CPNE8: variants seen among roughly 807,000 people sequenced by gnomAD.
The protein encoded by CPNE8 is copine-8.
Under a neutral mutation model 81.5 loss-of-function variants are expected in CPNE8, and 45 were observed. That is an observed-to-expected ratio of 0.55 (90% CI 0.44 to 0.71). The LOEUF (loss-of-function observed/expected upper bound fraction) is 0.71, where lower values mean the gene tolerates loss of function less well. Among genes scored for constraint, CPNE8 ranks in the 30% least tolerant of loss-of-function variants. The pLI is 0.00. For missense variants in CPNE8, 594 were observed against 672.1 expected (o/e 0.88, Z 1.28); for synonymous variants, 252 against 226.3 (o/e 1.11, Z -1.02).
At chr12:38,889,332 T>C (rs1944278186) in intron 1 of CPNE8, among the ~76,000 whole-genome samples, 1 of 152,192 alleles carries the variant, frequency 6.6e-6, no homozygotes, top group South Asian at 2.1e-4. Context: ...CTTCATAGTA[T>C]GAGTGATGCT....
At chr12:38,747,491 G>T (rs1941253645) in intron 10 of CPNE8, among the ~76,000 whole-genome samples, 1 of 152,018 alleles carries the variant, frequency 6.6e-6, no homozygotes, top group Non-Finnish European at 1.5e-5. Flanking sequence ...AAAATGTTGA[G>T]GATACAGAAT....
intron 3 of CPNE8, among the ~76,000 whole-genome samples, chr12:38,853,168 C>G (rs73274734): frequency 0.014 from 2,078 of 152,190 alleles, 46 homozygotes; most frequent in African/African-American, 0.046. Flanking sequence ...ATCTTTTTGA[C>G]TTGAAGTAAA....
intron 13 of CPNE8, among the ~76,000 whole-genome samples, chr12:38,705,552 C>A (rs1011320978): frequency 6.6e-6 from 1 of 152,114 alleles, no homozygotes; most frequent in African/African-American, 2.4e-5. Flanking sequence ...CACTAACCAG[C>A]ATGAACCTAA....
chr12:38,787,182 C>T (rs1168609234), intron 6 of CPNE8, among the ~76,000 whole-genome samples: 1 of 151,972 alleles, frequency 6.6e-6, no homozygotes, highest in East Asian at 1.9e-4. Flanking sequence ...ATGGATCATT[C>T]TCAAGGATGG....
At chr12:38,806,334 A>AATGT (rs1942800972) in intron 6 of CPNE8, among the ~76,000 whole-genome samples, 1 of 149,946 alleles carries the variant, frequency 6.7e-6, no homozygotes, top group Non-Finnish European at 1.5e-5. Flanking sequence ...CTTGATGAAC[A>AATGT]TTGATGCAAA....
At chr12:38,896,821 G>A (rs1008007234) in intron 1 of CPNE8, among the ~76,000 whole-genome samples, 5 of 152,032 alleles carry the variant, frequency 3.3e-5, no homozygotes, top group Non-Finnish European at 7.4e-5. Context: ...TTGGTTCTAT[G>A]TTTCTGTGGC....
At chr12:38,727,270 T>C (rs1209774837) in intron 11 of CPNE8, among the ~76,000 whole-genome samples, 1 of 152,174 alleles carries the variant, frequency 6.6e-6, no homozygotes, top group East Asian at 1.9e-4. Context: ...TGTAGCAGCA[T>C]TGAAAACCGT....
rs1279146253 is a variant in CPNE8, at chr12:38,653,220, G to A, written c.*662C>T. The A allele has an allele frequency of 6.6e-6, 1 of 152,570 alleles. No homozygotes were observed. Among genetic ancestry groups the A allele is most frequent in the African/African-American group, 2.4e-5 (1 of 41,436 alleles). The allele number at this position is 152,570 out of a possible 1,614,324, so 9.5% of individuals were successfully genotyped here. A position where few individuals can be genotyped will look rare whatever the true frequency, so the allele number is the denominator to read the frequency against. ...CCATGAAAAATGCATGTTCAACCAG[G>A]AGACACATCTGCCGGGCTTAAACTC... On this transcript the variant is annotated 3_prime_UTR_variant, in exon 20 of 20. Transcript: ENST00000331366.
chr12:38,876,324 G>T (rs1394721077), intron 1 of CPNE8, among the ~76,000 whole-genome samples: 1 of 152,112 alleles, frequency 6.6e-6, no homozygotes, highest in Non-Finnish European at 1.5e-5. Flanking sequence ...TGATTCTCCT[G>T]CCTCAGCCTC....
intron 10 of CPNE8, among the ~76,000 whole-genome samples, chr12:38,734,337 C>T (rs921864569): frequency 2.6e-5 from 4 of 152,068 alleles, no homozygotes; most frequent in African/African-American, 9.6e-5. Flanking sequence ...AAGTGCCAAT[C>T]ATATTAAACA....
At chr12:38,661,994 G>C (rs1302634583) in intron 19 of CPNE8, among the ~76,000 whole-genome samples, 1 of 151,472 alleles carries the variant, frequency 6.6e-6, no homozygotes, top group Non-Finnish European at 1.5e-5. Flanking sequence ...ATTAGGTATA[G>C]AAGGAAAATA....
chr12:38,777,027 C>CA lies in CPNE8; in HGVS notation c.408-727dup, dbSNP rs1389948405. Reference sequence around the variant, plus strand: ...CAAAGTGTATTTCTTCTACACATACCAAAAAAAAAAAAACAAAGCTAACTG... The same window carrying CA: ...CAAAGTGTATTTCTTCTACACATACCAAAAAAAAAAAAAACAAAGCTAACTG... On this transcript the variant is annotated intron_variant, in intron 6 of 19. Transcript: ENST00000331366. Among the ~76,000 whole-genome samples, 1,280 of 129,266 alleles carry CA rather than the reference C, an allele frequency of 9.9e-3. 7 individuals are homozygous for CA. The highest frequency in any genetic ancestry group is 0.026 in the African/African-American group (933 of 35,388). 84.8% of individuals were successfully genotyped at this position (129,266 alleles called of 152,430 possible).
At chr12:38,701,802 T>C (rs959326925) in intron 14 of CPNE8, among the ~76,000 whole-genome samples, 2 of 152,172 alleles carry the variant, frequency 1.3e-5, no homozygotes, top group Admixed American at 6.6e-5. Flanking sequence ...CCTTAGGTAT[T>C]ATTTCTATGT....
chr12:38,839,870 A>G, intron 5 of CPNE8, 46 bp downstream of exon 5: 1 of 1,466,738 alleles, frequency 6.8e-7, no homozygotes, highest in Non-Finnish European at 9.3e-7. Flanking sequence ...CATAAGTACT[A>G]ATCATTGTAT....
intron 2 of CPNE8, among the ~76,000 whole-genome samples, chr12:38,873,454 T>A (rs1944021014): frequency 6.6e-6 from 1 of 152,220 alleles, no homozygotes; most frequent in Admixed American, 6.5e-5. Flanking sequence ...GGGCAAGTCA[T>A]GCTCTACATT....
At chr12:38,850,411 C>A (rs1239328046) in intron 3 of CPNE8, among the ~76,000 whole-genome samples, 2 of 152,128 alleles carry the variant, frequency 1.3e-5, no homozygotes, top group African/African-American at 4.8e-5. Context: ...AGCCTATTAG[C>A]CCTTAAAACA....
At chr12:38,725,234 A>G (rs949281937) in intron 11 of CPNE8, among the ~76,000 whole-genome samples, 1 of 152,210 alleles carries the variant, frequency 6.6e-6, no homozygotes, top group African/African-American at 2.4e-5. Flanking sequence ...ATGGGTTGTT[A>G]AAGAATATTC....
intron 6 of CPNE8, among the ~76,000 whole-genome samples, chr12:38,818,296 C>G (rs1413733538): frequency 2.0e-5 from 3 of 152,116 alleles, no homozygotes; most frequent in African/African-American, 7.2e-5. Flanking sequence ...GTCCCCCACC[C>G]CATGACAGGT....
At chr12:38,661,032 T>C (rs1938940229) in intron 19 of CPNE8, among the ~76,000 whole-genome samples, 1 of 152,186 alleles carries the variant, frequency 6.6e-6, no homozygotes, top group Non-Finnish European at 1.5e-5. Context: ...AGTTCAACTA[T>C]TGTGGAAGAC....
Sources: gnomAD v4.1 joint callset for allele counts (sites outside exome capture counted in the v4.1 genomes callset) on GRCh38, gnomAD v4.1.1 for gene constraint, MANE v1.5 for transcripts, NCBI Gene and HGNC (gene_info 2026-07-23, HGNC 2026-07-21) for gene names.